The following EFNA5 variants were observed in gnomAD, a reference collection of about 807,000 sequenced individuals.
The protein encoded by EFNA5 is ephrin-A5.
In EFNA5, 5 loss-of-function variants were observed where a neutral mutation model predicts 22.9. The observed-to-expected ratio is 0.22, with a 90% confidence interval of 0.11 to 0.46. EFNA5 has a LOEUF of 0.46. Ranked by LOEUF, EFNA5 falls within the 20% of genes least tolerant of loss-of-function variation. The pLI, the probability that EFNA5 is intolerant of heterozygous loss-of-function variation, is 0.99. For missense variants in EFNA5, 237 were observed against 293.3 expected (o/e 0.81, Z 1.40); for synonymous variants, 113 against 112.2 (o/e 1.01, Z -0.04).
At chr5:107,537,728 TCA>T (rs1436042683) in intron 1 of EFNA5, among the ~76,000 whole-genome samples, 2 of 152,212 alleles carry the variant, frequency 1.3e-5, no homozygotes, top group Non-Finnish European at 2.9e-5. Flanking sequence ...TTTTTTTAGC[TCA>T]CACAGTTATT....
chr5:107,517,400 C>T (rs1747504209), intron 1 of EFNA5, among the ~76,000 whole-genome samples: 1 of 152,216 alleles, frequency 6.6e-6, no homozygotes, highest in Non-Finnish European at 1.5e-5. Context: ...CGGCCACCTA[C>T]TGCTCTGTGA....
At chr5:107,552,363 C>T (rs995353741) in intron 1 of EFNA5, among the ~76,000 whole-genome samples, 12 of 152,188 alleles carry the variant, frequency 7.9e-5, no homozygotes, top group Non-Finnish European at 1.8e-4. Flanking sequence ...ATCATGCTCA[C>T]TATGTATTAA....
At chr5:107,667,193 A>T (rs1280839228) in intron 1 of EFNA5, among the ~76,000 whole-genome samples, 1 of 152,116 alleles carries the variant, frequency 6.6e-6, no homozygotes, top group Non-Finnish European at 1.5e-5. Context: ...ATTTCTATTC[A>T]AACTGATAGT....
intron 2 of EFNA5, among the ~76,000 whole-genome samples, chr5:107,411,456 G>A (rs1194325943): frequency 2.0e-5 from 3 of 152,152 alleles, no homozygotes; most frequent in East Asian, 1.9e-4. Flanking sequence ...CCTTCTCCCA[G>A]GAACTTGCGT....
At chr5:107,609,349 T>TA (rs1278381162) in intron 1 of EFNA5, among the ~76,000 whole-genome samples, 1 of 152,204 alleles carries the variant, frequency 6.6e-6, no homozygotes, top group Non-Finnish European at 1.5e-5. Context: ...CTGTCATTAT[T>TA]AAAATTACCT....
chr5:107,574,266 G>T (rs1748877913), intron 1 of EFNA5, among the ~76,000 whole-genome samples: 1 of 152,148 alleles, frequency 6.6e-6, no homozygotes, highest in South Asian at 2.1e-4. Flanking sequence ...GTGGAAAGTG[G>T]GAGTACAAGG....
chr5:107,429,371 G>T (rs976390181), intron 1 of EFNA5, among the ~76,000 whole-genome samples: 1 of 152,218 alleles, frequency 6.6e-6, no homozygotes, highest in Non-Finnish European at 1.5e-5. Flanking sequence ...GCACGAACCT[G>T]GAAGGCGGAG....
Position 107,381,151 on chromosome 5 carries a change from C to G in EFNA5, c.*104G>C, listed in dbSNP as rs751157789. 1.1e-4 allele frequency: 155 copies of G among 1,447,952 alleles called. No individual in the cohort carries two copies. Among genetic ancestry groups the G allele is most frequent in the Non-Finnish European group, 1.4e-4 (149 of 1,081,074 alleles). 89.7% of individuals were successfully genotyped at this position (1,447,952 alleles called of 1,614,324 possible). A position where few individuals can be genotyped will look rare whatever the true frequency, so the allele number is the denominator to read the frequency against. On this transcript the variant is annotated 3_prime_UTR_variant, in exon 5 of 5. Coordinates refer to ENST00000333274, the MANE Select transcript of EFNA5 (RefSeq NM_001962.3). ...AAAGAAAACAAAAATCTGACATCTG[C>G]CAAAACCCAATAACAAGTCCCTTCT...
intron 2 of EFNA5, among the ~76,000 whole-genome samples, chr5:107,408,517 A>G (rs565091975): frequency 4.6e-5 from 7 of 152,202 alleles, no homozygotes; most frequent in Admixed American, 6.5e-5. Context: ...TTCTTATGTC[A>G]TGCTTGTTTA....
At chr5:107,554,615 C>G (rs186986561) in intron 1 of EFNA5, among the ~76,000 whole-genome samples, 17 of 152,228 alleles carry the variant, frequency 1.1e-4, no homozygotes, top group African/African-American at 4.1e-4. Flanking sequence ...TAGGAAGAAA[C>G]TAATTGATAG....
intron 1 of EFNA5, among the ~76,000 whole-genome samples, chr5:107,590,976 A>T (rs1749313067): frequency 6.6e-6 from 1 of 152,194 alleles, no homozygotes; most frequent in Non-Finnish European, 1.5e-5. Context: ...AGGGGAGTGT[A>T]TGTGTGAAGC....
intron 1 of EFNA5, among the ~76,000 whole-genome samples, chr5:107,618,942 G>C: frequency 6.6e-6 from 1 of 150,656 alleles, no homozygotes. Context: ...TTTATTTTGA[G>C]ACGGAGTCTT....
At chr5:107,508,172 T>C (rs1228823032) in intron 1 of EFNA5, among the ~76,000 whole-genome samples, 4 of 152,156 alleles carry the variant, frequency 2.6e-5, no homozygotes, top group African/African-American at 9.7e-5. Context: ...TGAACTAAAC[T>C]TGCAGTTTAT....
At chr5:107,664,416 T>C (rs1251626169) in intron 1 of EFNA5, among the ~76,000 whole-genome samples, 1 of 152,160 alleles carries the variant, frequency 6.6e-6, no homozygotes, top group Non-Finnish European at 1.5e-5. Context: ...TAATATCCTA[T>C]TCAGAAGCAC....
chr5:107,529,600 A>G (rs1285682745), intron 1 of EFNA5, among the ~76,000 whole-genome samples: 2 of 152,332 alleles, frequency 1.3e-5, no homozygotes, highest in East Asian at 3.9e-4. Context: ...ACCAAGGCAG[A>G]GTGGTTCTGA....
At chr5:107,549,472 G>A (rs1748238646) in intron 1 of EFNA5, among the ~76,000 whole-genome samples, 1 of 152,204 alleles carries the variant, frequency 6.6e-6, no homozygotes, top group Non-Finnish European at 1.5e-5. Flanking sequence ...ATAAGTAGCA[G>A]CTTGTTAGTC....
chr5:107,503,918 A>C (rs1747194880), intron 1 of EFNA5, among the ~76,000 whole-genome samples: 1 of 152,206 alleles, frequency 6.6e-6, no homozygotes, highest in Non-Finnish European at 1.5e-5. Flanking sequence ...TGCAATGCAG[A>C]GCTTTTAAAA....
intron 1 of EFNA5, among the ~76,000 whole-genome samples, chr5:107,581,892 A>G (rs1452171371): frequency 6.6e-6 from 1 of 152,238 alleles, no homozygotes; most frequent in Admixed American, 6.5e-5. Flanking sequence ...GATTTTAGCT[A>G]CACGTTGCAG....
chr5:107,663,959 T>C (rs756991350), intron 1 of EFNA5, among the ~76,000 whole-genome samples: 1 of 152,170 alleles, frequency 6.6e-6, no homozygotes, highest in Non-Finnish European at 1.5e-5. Flanking sequence ...TTGAAAATGA[T>C]AGAATTCTAC....
Sources: allele counts gnomAD v4.1 joint callset (sites outside exome capture counted in the v4.1 genomes callset), GRCh38; gene constraint gnomAD v4.1.1; transcripts MANE v1.5; gene names NCBI Gene and HGNC (gene_info 2026-07-23, HGNC 2026-07-21).